The following MYO1D variants were observed in gnomAD, a reference collection of about 807,000 sequenced individuals.
MYO1D encodes the protein myosin ID.
A neutral mutation model predicts 122.0 loss-of-function variants in MYO1D; 83 were observed. The observed-to-expected ratio is 0.68, with a 90% CI of 0.57 to 0.82. The LOEUF is 0.82. Ranked by LOEUF, MYO1D falls within the 40% of genes least tolerant of loss-of-function variation. The pLI is 0.00. For missense variants in MYO1D, 1,157 were observed against 1,269.5 expected, an observed-to-expected ratio of 0.91 and a Z score of 1.35; for synonymous variants, 464 against 446.9, an observed-to-expected ratio of 1.04 and a Z score of -0.48.
At chr17:32,617,882 A>T (rs1014322903) in intron 20 of MYO1D, among the ~76,000 whole-genome samples, 3 of 152,206 alleles carry the variant, frequency 2.0e-5, no homozygotes, top group South Asian at 2.1e-4. Flanking sequence ...ACTTTCAAAA[A>T]TTTTTTGTTA....
At chr17:32,838,357 T>A (rs2090846962) in intron 1 of MYO1D, among the ~76,000 whole-genome samples, 1 of 152,220 alleles carries the variant, frequency 6.6e-6, no homozygotes, top group Admixed American at 6.5e-5. Context: ...CACGAAATAG[T>A]CTGCTTCTGG....
At chr17:32,742,728 T>C (rs2089786729) in intron 13 of MYO1D, among the ~76,000 whole-genome samples, 1 of 152,210 alleles carries the variant, frequency 6.6e-6, no homozygotes, top group Non-Finnish European at 1.5e-5. Context: ...AAGGATCCTC[T>C]CTCACATTCC....
At chr17:32,841,401 A>C (rs1475764291) in intron 1 of MYO1D, among the ~76,000 whole-genome samples, 1 of 152,048 alleles carries the variant, frequency 6.6e-6, no homozygotes. Flanking sequence ...GGGGAGGTCA[A>C]GACTGCAGTG....
At chr17:32,606,493 T>C (rs886956273) in intron 20 of MYO1D, among the ~76,000 whole-genome samples, 2 of 152,140 alleles carry the variant, frequency 1.3e-5, no homozygotes, top group African/African-American at 2.4e-5. Flanking sequence ...AAAATGATAA[T>C]ACAACATGAC....
intron 16 of MYO1D, among the ~76,000 whole-genome samples, chr17:32,663,867 A>T (rs918969981): frequency 6.6e-6 from 1 of 152,166 alleles, no homozygotes; most frequent in African/African-American, 2.4e-5. Flanking sequence ...TTTGAAGAAC[A>T]TATCGATTTT....
chr17:32,639,381 G>C lies in MYO1D; in HGVS notation c.2596-546C>G, dbSNP rs1044293581. On this transcript the variant is annotated intron_variant, in intron 19 of 21. Coordinates refer to ENST00000318217, the MANE Select transcript of MYO1D (RefSeq NM_015194.3). The stretch of plus-strand genomic sequence containing the variant: ...AGAAATTTTGTGTGTGTGTGTGTGT[G>C]TGTGTGTGTGTGTGTGTGTGTGTGT... Among the ~76,000 whole-genome samples the C allele has an allele frequency of 1.7e-4, 26 of 149,752 alleles. No individual in the cohort carries two copies. The South Asian group carries it at 1.9e-3, about 11-fold the overall frequency.
intron 1 of MYO1D, chr17:32,792,327 T>A (rs754540906): frequency 4.6e-5 from 7 of 152,252 alleles, no homozygotes; most frequent in Non-Finnish European, 1.0e-4. Context: ...TTCTGTTTCA[T>A]GGGTGTGGGT....
rs186492766 is a variant in MYO1D at position 32,718,027 on chromosome 17, C to T, written c.1913+2996G>A. 2.3e-3 allele frequency among the ~76,000 whole-genome samples: 353 copies of T among 152,188 alleles called. 1 individual carries two copies. Among genetic ancestry groups the T allele is most frequent in the South Asian group, 3.5e-3 (17 of 4,820 alleles). ...CATGCGGCTAGACCTTTGTTTAATA[C>T]TTCCCATCTTTTTTTCTTTGTGATG... On this transcript the variant is annotated intron_variant, in intron 15 of 21. Transcript: ENST00000318217.
chr17:32,696,522 G>A (rs899013815), intron 16 of MYO1D, among the ~76,000 whole-genome samples: 4 of 152,216 alleles, frequency 2.6e-5, no homozygotes, highest in Middle Eastern at 6.3e-3. Flanking sequence ...GGAGTTTGTT[G>A]ATCCAGGTGC....
At chr17:32,822,382 G>C (rs1040917539) in intron 1 of MYO1D, among the ~76,000 whole-genome samples, 7 of 149,848 alleles carry the variant, frequency 4.7e-5, no homozygotes, top group Admixed American at 1.3e-4. Flanking sequence ...TGTGGGGTAG[G>C]GGGAGGGGGG....
intron 16 of MYO1D, among the ~76,000 whole-genome samples, chr17:32,711,075 C>T (rs1018277442): frequency 5.3e-5 from 8 of 152,158 alleles, no homozygotes; most frequent in Non-Finnish European, 1.2e-4. Flanking sequence ...CAAGGACATC[C>T]TCACAGAGGT....
At chr17:32,855,005 C>A (rs1399158758) in intron 1 of MYO1D, among the ~76,000 whole-genome samples, 1 of 152,190 alleles carries the variant, frequency 6.6e-6, no homozygotes, top group African/African-American at 2.4e-5. Context: ...CTCTTGCAGT[C>A]TCTGCAAATC....
intron 21 of MYO1D, among the ~76,000 whole-genome samples, chr17:32,580,289 ATTTTTTTTTTTTTT>A (rs71144843): frequency 0.014 from 551 of 39,154 alleles, 12 homozygotes; most frequent in East Asian, 0.099. Flanking sequence ...TGCTAAGAGG[ATTTTTTTTTTTTTT>A]TTTTTTTTTT....
chr17:32,848,195 G>A (rs2090954926), intron 1 of MYO1D, among the ~76,000 whole-genome samples: 3 of 152,112 alleles, frequency 2.0e-5, no homozygotes, highest in African/African-American at 7.2e-5. Flanking sequence ...TATGATTAGG[G>A]CAATTGTAAA....
At position 32,541,171 on chromosome 17, in the gene MYO1D, G is replaced by T. The variant is rs76875033; in HGVS notation, c.2865-46256C>A. On this transcript the variant is annotated intron_variant, in intron 21 of 21. Transcript: ENST00000318217. The stretch of plus-strand genomic sequence containing the variant: ...CATTATTCATAATAGCCAAAAAGTG[G>T]AAACAACTGAAATGTTTATCCACTG... 5.7e-3 allele frequency among the ~76,000 whole-genome samples: 867 copies of T among 152,254 alleles called. 7 individuals carry two copies. Among genetic ancestry groups the T allele is most frequent in the Middle Eastern group, 0.014 (4 of 294 alleles).
intron 21 of MYO1D, among the ~76,000 whole-genome samples, chr17:32,552,020 T>C (rs1198847805): frequency 1.3e-5 from 2 of 152,246 alleles, no homozygotes; most frequent in Admixed American, 6.5e-5. Flanking sequence ...AAACTATCCA[T>C]AGCTAATGTC....
intron 1 of MYO1D, among the ~76,000 whole-genome samples, chr17:32,823,925 G>A (rs888882542): frequency 1.6e-4 from 25 of 151,918 alleles, no homozygotes; most frequent in African/African-American, 5.1e-4. Context: ...AAATTAGCGG[G>A]GCGTGGTGGT....
rs534317986 is a variant in MYO1D at position 32,857,022 on chromosome 17, T to C, written c.95+19756A>G. Among the ~76,000 whole-genome samples, 4 of 152,378 alleles carry C rather than the reference T, an allele frequency of 2.6e-5. 1 individual carries two copies. Among genetic ancestry groups the C allele is most frequent in the South Asian group, 2.1e-4 (1 of 4,828 alleles). On this transcript the variant is annotated intron_variant, in intron 1 of 21. Coordinates refer to ENST00000318217, the MANE Select transcript of MYO1D (RefSeq NM_015194.3). ...GTCAAGCACTTTGAAGTCCTGTCAGTCTGGCTTCAAATTCAAACTGCTTCT... is the reference window on the plus strand; with the variant it reads ...GTCAAGCACTTTGAAGTCCTGTCAGCCTGGCTTCAAATTCAAACTGCTTCT...
chr17:32,574,538 A>G (rs1166585322), intron 21 of MYO1D, among the ~76,000 whole-genome samples: 2 of 152,198 alleles, frequency 1.3e-5, no homozygotes, highest in Non-Finnish European at 2.9e-5. Context: ...TATTCACAGC[A>G]TTTAATTCTC....
Sources: allele counts gnomAD v4.1 joint callset (sites outside exome capture counted in the v4.1 genomes callset), GRCh38; gene constraint gnomAD v4.1.1; transcripts MANE v1.5; gene names NCBI Gene and HGNC (gene_info 2026-07-23, HGNC 2026-07-21).